Variants in PCDH9 observed in about 807,000 individuals in gnomAD.
PCDH9 encodes the protein protocadherin-9.
PCDH9 carries 24 observed loss-of-function variants against 70.6 expected under a neutral mutation model. The observed-to-expected ratio is 0.34, with a 90% CI of 0.25 to 0.48. The LOEUF is 0.48. PCDH9 is among the 20% of genes least tolerant of loss of function. PCDH9 has a pLI of 0.99. For missense variants in PCDH9, 1,281 were observed against 1,503.6 expected (o/e 0.85, Z 2.45); for synonymous variants, 562 against 558.5 (o/e 1.01, Z -0.09).
In PCDH9 at chr13:66,466,659, C is replaced by T. The variant is rs554390314; in HGVS notation, c.3341-161631G>A. ...ACTTCCATCACGTTAATTTATTCTT[C>T]CTGCTACTTTCTAAAAATATATCTG... On this transcript the variant is annotated intron_variant, in intron 4 of 4. Transcript: ENST00000377865. Among the ~76,000 whole-genome samples the T allele has an allele frequency of 4.6e-5, 7 of 152,200 alleles. No homozygotes were observed. In the South Asian group the frequency reaches 1.4e-3, roughly 32 times the overall value.
intron 4 of PCDH9, among the ~76,000 whole-genome samples, chr13:66,442,726 G>T (rs2138405581): frequency 6.6e-6 from 1 of 151,978 alleles, no homozygotes; most frequent in East Asian, 1.9e-4. Context: ...ATATTATGGG[G>T]ACAGTACGAA....
chr13:66,356,414 G>C (rs1234348170), intron 4 of PCDH9, among the ~76,000 whole-genome samples: 1 of 151,982 alleles, frequency 6.6e-6, no homozygotes, highest in African/African-American at 2.4e-5. Context: ...TATCTTTGAT[G>C]AACAAAATCT....
intron 4 of PCDH9, among the ~76,000 whole-genome samples, chr13:66,614,124 C>A (rs892334228): frequency 6.6e-6 from 1 of 152,078 alleles, no homozygotes; most frequent in Admixed American, 6.6e-5. Flanking sequence ...ATTTAAACTA[C>A]TGGAAACAGA....
chr13:67,012,250 C>A (rs1454525521), intron 2 of PCDH9, among the ~76,000 whole-genome samples: 2 of 151,390 alleles, frequency 1.3e-5, no homozygotes, highest in East Asian at 3.9e-4. Flanking sequence ...ATTAGAAATT[C>A]AATAAATGTA....
At chr13:66,595,716 A>C (rs1210231487) in intron 4 of PCDH9, among the ~76,000 whole-genome samples, 2 of 151,704 alleles carry the variant, frequency 1.3e-5, no homozygotes, top group African/African-American at 2.4e-5. Context: ...CTTTTTTATT[A>C]GTAGTGGAAT....
At chr13:66,563,829 A>G (rs1023606417) in intron 4 of PCDH9, among the ~76,000 whole-genome samples, 2 of 152,130 alleles carry the variant, frequency 1.3e-5, no homozygotes, top group Non-Finnish European at 2.9e-5. Flanking sequence ...AATTGGCAGC[A>G]TAATGCCCAC....
intron 2 of PCDH9, among the ~76,000 whole-genome samples, chr13:67,172,877 C>CA (rs11407365): frequency 0.79 from 78,458 of 98,980 alleles, 32,009 homozygotes; most frequent in East Asian, 0.91. Flanking sequence ...GACTCCATCT[C>CA]AAAAAAAAAA....
At chr13:66,648,298 G>A (rs2077800253) in intron 3 of PCDH9, among the ~76,000 whole-genome samples, 1 of 152,214 alleles carries the variant, frequency 6.6e-6, no homozygotes. Context: ...CAGTCACAGT[G>A]GTTGGGTGGC....
chr13:66,729,309 T>C (rs2079042614), intron 3 of PCDH9, among the ~76,000 whole-genome samples: 1 of 152,132 alleles, frequency 6.6e-6, no homozygotes, highest in African/African-American at 2.4e-5. Context: ...CATAAATTCC[T>C]CTTGGATCAG....
chr13:67,179,152 AT>A (rs1298772669), intron 2 of PCDH9, among the ~76,000 whole-genome samples: 2 of 151,696 alleles, frequency 1.3e-5, no homozygotes, highest in African/African-American at 4.8e-5. Context: ...TTGGGTTGGC[AT>A]TTTTTTTAGC....
At chr13:66,482,602 G>A (rs980325873) in intron 4 of PCDH9, among the ~76,000 whole-genome samples, 3 of 152,196 alleles carry the variant, frequency 2.0e-5, no homozygotes, top group Non-Finnish European at 2.9e-5. Context: ...GTCAGTGTCT[G>A]AAGGCAAGGA....
intron 3 of PCDH9, among the ~76,000 whole-genome samples, chr13:66,892,411 C>A (rs1360028495): frequency 6.6e-6 from 1 of 151,572 alleles, no homozygotes; most frequent in Non-Finnish European, 1.5e-5. Context: ...TATACATTAC[C>A]TAACAATGAA....
chr13:67,093,526 A>C (rs552456008), intron 2 of PCDH9, among the ~76,000 whole-genome samples: 1 of 152,274 alleles, frequency 6.6e-6, no homozygotes, highest in African/African-American at 2.4e-5. Context: ...TCAGAGCTCT[A>C]AACCAAGCAA....
At chr13:67,022,370 C>G (rs2084695465) in intron 2 of PCDH9, among the ~76,000 whole-genome samples, 1 of 151,906 alleles carries the variant, frequency 6.6e-6, no homozygotes, top group East Asian at 1.9e-4. Flanking sequence ...ATCTGCCCAC[C>G]TTGGCCTCCC....
At chr13:67,134,362 TA>T (rs1268404367) in intron 2 of PCDH9, among the ~76,000 whole-genome samples, 1 of 152,018 alleles carries the variant, frequency 6.6e-6, no homozygotes, top group African/African-American at 2.4e-5. Context: ...ATCACAGAAT[TA>T]GCTGTTTTAA....
At chr13:66,621,470 A>T (rs75640081) in intron 4 of PCDH9, among the ~76,000 whole-genome samples, 1 of 152,106 alleles carries the variant, frequency 6.6e-6, no homozygotes, top group South Asian at 2.1e-4. Flanking sequence ...AACTGTACCT[A>T]TTTTCTTTGA....
chr13:66,342,075 C>A (rs1224466216), intron 4 of PCDH9, among the ~76,000 whole-genome samples: 1 of 152,162 alleles, frequency 6.6e-6, no homozygotes, highest in Non-Finnish European at 1.5e-5. Context: ...AACTTGACAT[C>A]ATTATTTCTG....
intron 2 of PCDH9, among the ~76,000 whole-genome samples, chr13:67,090,268 T>C (rs2086191650): frequency 6.6e-6 from 1 of 152,022 alleles, no homozygotes; most frequent in African/African-American, 2.4e-5. Flanking sequence ...TTCTCATTCA[T>C]TATATCCAGG....
intron 2 of PCDH9, among the ~76,000 whole-genome samples, chr13:67,041,473 A>C (rs1430738813): frequency 6.6e-6 from 1 of 152,114 alleles, no homozygotes; most frequent in African/African-American, 2.4e-5. Context: ...AAGCTGTAAA[A>C]ATTTTACTAA....
Sources: gnomAD v4.1 joint callset for allele counts (sites outside exome capture counted in the v4.1 genomes callset) on GRCh38, gnomAD v4.1.1 for gene constraint, MANE v1.5 for transcripts, NCBI Gene and HGNC (gene_info 2026-07-23, HGNC 2026-07-21) for gene names.